The following ZBTB7C variants were observed in gnomAD, a reference collection of about 807,000 sequenced individuals.
ZBTB7C encodes zinc finger and BTB domain containing 7C.
ZBTB7C carries 8 observed loss-of-function variants against 25.7 expected under a neutral mutation model. The ratio of observed to expected loss-of-function variants is 0.31; its 90% confidence interval spans 0.18 to 0.56. The LOEUF (loss-of-function observed/expected upper bound fraction) is 0.56. Ranked by LOEUF, ZBTB7C falls within the 20% of genes least tolerant of loss-of-function variation. ZBTB7C has a pLI of 0.91. For synonymous variants in ZBTB7C, 394 were observed against 369.0 expected (o/e 1.07, Z -0.78); for missense variants, 824 against 855.2 (o/e 0.96, Z 0.46).
At chr18:48,371,714 T>C (rs182090326) in intron 1 of ZBTB7C, among the ~76,000 whole-genome samples, 6 of 152,310 alleles carry the variant, frequency 3.9e-5, no homozygotes, top group Admixed American at 2.6e-4. Flanking sequence ...AAGCTTCCCC[T>C]GAAACTCCCT....
At chr18:48,052,234 T>G (rs1353694268) in intron 3 of ZBTB7C, among the ~76,000 whole-genome samples, 1 of 151,926 alleles carries the variant, frequency 6.6e-6, no homozygotes, top group African/African-American at 2.4e-5. Context: ...GGTGGAAGGG[T>G]GGGACAAGCA....
At chr18:48,289,546 T>G (rs2045158280) in intron 2 of ZBTB7C, among the ~76,000 whole-genome samples, 1 of 138,090 alleles carries the variant, frequency 7.2e-6, no homozygotes, top group Non-Finnish European at 1.6e-5. Flanking sequence ...TACATATATA[T>G]TCATTCAATA....
chr18:48,032,347 C>T (rs1277293737), intron 4 of ZBTB7C, among the ~76,000 whole-genome samples: 1 of 150,454 alleles, frequency 6.6e-6, no homozygotes, highest in Non-Finnish European at 1.5e-5. Context: ...GAACTCCTGA[C>T]CTTGTGATCT....
Position 48,040,206 on chromosome 18 carries a change from G to A in ZBTB7C, c.902C>T (p.Pro301Leu). 6.4e-7 allele frequency: 1 copy of A among 1,571,332 alleles called. No individual in the cohort carries two copies. Among genetic ancestry groups the A allele is most frequent in the South Asian group, 1.2e-5 (1 of 82,976 alleles). Residue 301 changes from proline (P) to leucine (L), a missense_variant, in exon 4 of 5, where the codon CCA becomes CTA. Transcript: ENST00000590800. ...EEEKEELPPP[P>L]PPPFPNDFFK... is the part of the protein sequence containing the mutation. ...GAAGTCATTAGGGAAGGGTGGCGGT[G>A]GGGGTGGGGGCAGCTCCTCCTTCTC... is the stretch of plus-strand genomic sequence containing the variant.
intron 3 of ZBTB7C, among the ~76,000 whole-genome samples, chr18:48,144,094 A>G (rs1427403265): frequency 1.3e-5 from 2 of 152,072 alleles, no homozygotes; most frequent in Admixed American, 6.5e-5. Context: ...CCTGGCCAAC[A>G]TGGTGAAAGC....
intron 2 of ZBTB7C, among the ~76,000 whole-genome samples, chr18:48,281,454 A>T (rs1357054552): frequency 6.6e-6 from 1 of 152,228 alleles, no homozygotes; most frequent in East Asian, 1.9e-4. Flanking sequence ...GCCAAAATTG[A>T]CAAATGGGAT....
At chr18:48,144,941 T>C (rs964547307) in intron 3 of ZBTB7C, among the ~76,000 whole-genome samples, 4 of 152,186 alleles carry the variant, frequency 2.6e-5, no homozygotes, top group African/African-American at 9.7e-5. Flanking sequence ...AGAATCTTCC[T>C]GGATGGACGT....
At chr18:48,291,937 C>G (rs2045241857) in intron 2 of ZBTB7C, among the ~76,000 whole-genome samples, 1 of 152,202 alleles carries the variant, frequency 6.6e-6, no homozygotes, top group Non-Finnish European at 1.5e-5. Context: ...GTGGCTCACA[C>G]CTGTAATCTC....
intron 3 of ZBTB7C, among the ~76,000 whole-genome samples, chr18:48,062,227 A>G (rs1464893879): frequency 4.6e-5 from 7 of 152,248 alleles, no homozygotes; most frequent in African/African-American, 1.7e-4. Context: ...GAAACATGCC[A>G]TTGTGTTCCT....
chr18:48,295,954 T>G (rs368611104), intron 2 of ZBTB7C, among the ~76,000 whole-genome samples: 74 of 152,302 alleles, frequency 4.9e-4, no homozygotes, highest in African/African-American at 1.7e-3. Flanking sequence ...TTGGCCCAAT[T>G]AGAGACTGGC....
intron 2 of ZBTB7C, among the ~76,000 whole-genome samples, chr18:48,282,875 C>G (rs1240087497): frequency 6.6e-6 from 1 of 152,094 alleles, no homozygotes; most frequent in Non-Finnish European, 1.5e-5. Context: ...GAAATGGGGC[C>G]TGAGGATGGC....
intron 3 of ZBTB7C, among the ~76,000 whole-genome samples, chr18:48,057,011 C>A (rs1283559684): frequency 3.7e-5 from 3 of 81,174 alleles, no homozygotes; most frequent in Middle Eastern, 0.011. Flanking sequence ...CATGTGTCAC[C>A]AAATCAGGAA....
intron 2 of ZBTB7C, among the ~76,000 whole-genome samples, chr18:48,222,718 T>C (rs1029019731): frequency 7.2e-5 from 11 of 152,236 alleles, no homozygotes; most frequent in African/African-American, 2.6e-4. Flanking sequence ...AATGTGTATG[T>C]ATGACTGATA....
chr18:48,247,783 C>T (rs758400459), intron 2 of ZBTB7C, among the ~76,000 whole-genome samples: 13 of 152,168 alleles, frequency 8.5e-5, no homozygotes, highest in African/African-American at 9.7e-5. Context: ...TGAGTTCTCA[C>T]GAGATCTGAG....
chr18:48,072,828 G>A (rs2037601332), intron 3 of ZBTB7C, among the ~76,000 whole-genome samples: 1 of 152,196 alleles, frequency 6.6e-6, no homozygotes, highest in African/African-American at 2.4e-5. Context: ...GCCGCTCTCC[G>A]CTTCATCCTT....
chr18:48,042,740 C>T (rs940704150), intron 3 of ZBTB7C, among the ~76,000 whole-genome samples: 2 of 148,460 alleles, frequency 1.3e-5, no homozygotes, highest in Non-Finnish European at 3.0e-5. Flanking sequence ...TCACTGCTTT[C>T]CCACCTTCTC....
At chr18:48,086,639 A>G (rs150831607) in intron 3 of ZBTB7C, among the ~76,000 whole-genome samples, 1 of 152,316 alleles carries the variant, frequency 6.6e-6, no homozygotes, top group African/African-American at 2.4e-5. Context: ...GGGAGAAATC[A>G]TCTTTCCTTC....
At chr18:48,322,179 G>T (rs2046111808) in intron 2 of ZBTB7C, among the ~76,000 whole-genome samples, 1 of 152,142 alleles carries the variant, frequency 6.6e-6, no homozygotes. Flanking sequence ...AGTGGACTTG[G>T]CTTGCCCATA....
In ZBTB7C at chr18:48,039,877, C is replaced by A. The variant is rs1260148531; in HGVS notation, c.1208+23G>T. 3.7e-6 allele frequency: 6 copies of A among 1,606,566 alleles called. No homozygotes were observed. In the South Asian group the frequency reaches 5.5e-5, roughly 15 times the overall value. The stretch of plus-strand genomic sequence containing the variant: ...CCATGGCCTCTGGCCCCGTGCCCCA[C>A]ACCCGAGGGCTGCCATGCGCACCTG... On this transcript the variant is annotated intron_variant, in intron 4 of 4. Coordinates refer to ENST00000590800, the MANE Select transcript of ZBTB7C (RefSeq NM_001318841.2).
Sources: allele counts gnomAD v4.1 joint callset (sites outside exome capture counted in the v4.1 genomes callset), GRCh38; gene constraint gnomAD v4.1.1; transcripts MANE v1.5; gene names NCBI Gene and HGNC (gene_info 2026-07-23, HGNC 2026-07-21).